The following CACUL1 variants were observed in gnomAD, a reference collection of about 807,000 sequenced individuals.
The protein encoded by CACUL1 is CDK2 associated cullin domain 1.
Under a neutral mutation model 45.2 loss-of-function variants are expected in CACUL1, and 13 were observed. The observed-to-expected ratio is 0.29, with a 90% CI of 0.19 to 0.46. CACUL1 has a LOEUF of 0.46. Among genes scored for constraint, CACUL1 ranks in the 20% least tolerant of loss-of-function variants. The pLI is 1.00. For synonymous variants in CACUL1, 197 were observed against 174.2 expected, an observed-to-expected ratio of 1.13 and a Z score of -1.03; for missense variants, 421 against 471.4, an observed-to-expected ratio of 0.89 and a Z score of 0.99.
chr10:118,697,944 C>T (rs1845338444), intron 5 of CACUL1, among the ~76,000 whole-genome samples: 1 of 152,120 alleles, frequency 6.6e-6, no homozygotes, highest in African/African-American at 2.4e-5. Context: ...AGCAAATATG[C>T]ATAAAAATGA....
At chr10:118,753,418 A>T (rs1845916947) in intron 1 of CACUL1, among the ~76,000 whole-genome samples, 1 of 152,202 alleles carries the variant, frequency 6.6e-6, no homozygotes, top group African/African-American at 2.4e-5. Flanking sequence ...TGAACTCTCC[A>T]GTTGCTTTAC....
At chr10:118,722,467 G>A (rs866541203) in intron 3 of CACUL1, among the ~76,000 whole-genome samples, 3 of 152,132 alleles carry the variant, frequency 2.0e-5, no homozygotes, top group South Asian at 2.1e-4. Flanking sequence ...CATCCTGCCT[G>A]AGATATCTGT....
intron 3 of CACUL1, among the ~76,000 whole-genome samples, chr10:118,711,360 G>A (rs146376603): frequency 0.012 from 1,832 of 152,304 alleles, 10 homozygotes; most frequent in Middle Eastern, 0.034. Context: ...GATTACAGCC[G>A]TGAGCCACCG....
chr10:118,743,163 T>G (rs559975056), intron 1 of CACUL1, among the ~76,000 whole-genome samples: 2 of 151,962 alleles, frequency 1.3e-5, no homozygotes, highest in Non-Finnish European at 2.9e-5. Flanking sequence ...GCATTAAAAC[T>G]TACCCAAACT....
chr10:118,718,951 T>TA (rs1205215356), intron 3 of CACUL1, among the ~76,000 whole-genome samples: 1 of 152,108 alleles, frequency 6.6e-6, no homozygotes, highest in Admixed American at 6.5e-5. Context: ...CAACATTCAA[T>TA]AAAAAACTAA....
Position 118,744,810 on chromosome 10 carries a change from T to C in CACUL1, c.367+9586A>G, listed in dbSNP as rs1000683284. On this transcript the variant is annotated intron_variant, in intron 1 of 8. Transcript: ENST00000369151. Reference sequence around the variant, plus strand: ...AGCTGGGATTATAGGCGCACACCACTACACCTGGCTAATTTTTGTATTTTT... The same window carrying C: ...AGCTGGGATTATAGGCGCACACCACCACACCTGGCTAATTTTTGTATTTTT... Among the ~76,000 whole-genome samples, 14 of 152,000 alleles carry C rather than the reference T, an allele frequency of 9.2e-5. No individual in the cohort carries two copies. In the East Asian group the frequency reaches 2.7e-3, roughly 29 times the overall value.
At chr10:118,715,144 T>A (rs1333311611) in intron 3 of CACUL1, among the ~76,000 whole-genome samples, 4 of 152,210 alleles carry the variant, frequency 2.6e-5, no homozygotes, top group Non-Finnish European at 5.9e-5. Context: ...TATGCATAAT[T>A]ATATTAAAAA....
intron 1 of CACUL1, among the ~76,000 whole-genome samples, chr10:118,747,336 C>G (rs1014617028): frequency 6.6e-6 from 1 of 152,050 alleles, no homozygotes; most frequent in Admixed American, 6.5e-5. Context: ...TGCAACCACC[C>G]TAAAGAATTG....
At chr10:118,704,648 C>T (rs948842976) in intron 4 of CACUL1, among the ~76,000 whole-genome samples, 8 of 152,206 alleles carry the variant, frequency 5.3e-5, no homozygotes, top group African/African-American at 1.9e-4. Context: ...CTGTTATGCC[C>T]ACCTTTGAGT....
chr10:118,746,151 C>CAA (rs376453440), intron 1 of CACUL1, among the ~76,000 whole-genome samples: 15 of 91,270 alleles, frequency 1.6e-4, no homozygotes, highest in Non-Finnish European at 3.0e-4. Flanking sequence ...GACACTGTCT[C>CAA]AAAAAAAAAA....
At chr10:118,709,465 G>A (rs1304940561) in intron 3 of CACUL1, among the ~76,000 whole-genome samples, 2 of 152,208 alleles carry the variant, frequency 1.3e-5, no homozygotes, top group Non-Finnish European at 2.9e-5. Flanking sequence ...AGACTAGACC[G>A]TTAGCCAAAT....
At chr10:118,686,794 C>CCTCA in intron 7 of CACUL1, 153 bp from the exon 8 acceptor site, 2 of 627,188 alleles carry the variant, frequency 3.2e-6, no homozygotes, top group Non-Finnish European at 2.9e-6. Flanking sequence ...TCCTGATGTA[C>CCTCA]CTCACTATGC....
intron 5 of CACUL1, among the ~76,000 whole-genome samples, chr10:118,698,968 C>T (rs1301595005): frequency 5.3e-5 from 8 of 152,246 alleles, no homozygotes; most frequent in Admixed American, 3.3e-4. Context: ...TAAGTAGAAA[C>T]GACATTAATA....
intron 7 of CACUL1, among the ~76,000 whole-genome samples, chr10:118,690,158 G>A (rs887268912): frequency 4.6e-5 from 7 of 151,876 alleles, no homozygotes; most frequent in African/African-American, 7.2e-5. Context: ...AAAATTAGCC[G>A]GGCGCGGTGG....
At chr10:118,738,781 C>T (rs1039465227) in intron 1 of CACUL1, among the ~76,000 whole-genome samples, 68 of 145,058 alleles carry the variant, frequency 4.7e-4, no homozygotes, top group African/African-American at 1.7e-3. Context: ...AAGCTAAAAA[C>T]AAAGATAATC....
chr10:118,710,053 C>T (rs901879650), intron 3 of CACUL1, among the ~76,000 whole-genome samples: 1 of 151,512 alleles, frequency 6.6e-6, no homozygotes, highest in Non-Finnish European at 1.5e-5. Context: ...GCTGGGACTA[C>T]AGGTATGCAG....
At chr10:118,744,453 G>A (rs948319539) in intron 1 of CACUL1, among the ~76,000 whole-genome samples, 1 of 152,108 alleles carries the variant, frequency 6.6e-6, no homozygotes, top group Admixed American at 6.6e-5. Context: ...GAGACAGAAA[G>A]CAAATTGGTG....
At chr10:118,697,474 T>C (rs1444522710) in intron 5 of CACUL1, among the ~76,000 whole-genome samples, 1 of 152,220 alleles carries the variant, frequency 6.6e-6, no homozygotes, top group Non-Finnish European at 1.5e-5. Flanking sequence ...CTTCTAATCC[T>C]AAAATCTAGA....
In CACUL1 at chr10:118,676,480, A is replaced by G. The variant is rs1845098934; in HGVS notation, c.*9648T>C. 1 of 152,226 alleles carries G rather than the reference A, an allele frequency of 6.6e-6. No individual in the cohort carries two copies. The highest frequency in any genetic ancestry group is 1.5e-5 in the Non-Finnish European group (1 of 68,038). 9.4% of individuals were successfully genotyped at this position (152,226 alleles called of 1,614,324 possible). A position where few individuals can be genotyped will look rare whatever the true frequency, so the allele number is the denominator to read the frequency against. ...ACACTTTTGCAAAATTGGTGGATGG[A>G]ACTCAAAAATATTTTCAGTAAGCAC... On this transcript the variant is annotated 3_prime_UTR_variant, in exon 9 of 9. Transcript: ENST00000369151.
Sources: allele counts gnomAD v4.1 joint callset (sites outside exome capture counted in the v4.1 genomes callset), GRCh38; gene constraint gnomAD v4.1.1; transcripts MANE v1.5; gene names NCBI Gene and HGNC (gene_info 2026-07-23, HGNC 2026-07-21).